The following DLGAP1 variants were observed in gnomAD, a reference collection of about 807,000 sequenced individuals.
The protein encoded by DLGAP1 is DLG associated protein 1.
A neutral mutation model predicts 90.8 loss-of-function variants in DLGAP1; 11 were observed. The observed-to-expected ratio is 0.12, with a 90% CI of 0.08 to 0.20. The LOEUF (loss-of-function observed/expected upper bound fraction) is 0.20. Ranked by LOEUF, DLGAP1 falls within the 10% of genes least tolerant of loss-of-function variation. DLGAP1 has a pLI of 1.00. For synonymous variants in DLGAP1, 558 were observed against 540.7 expected, an observed-to-expected ratio of 1.03 and a Z score of -0.44; for missense variants, 1,050 against 1,333.8, an observed-to-expected ratio of 0.79 and a Z score of 3.31.
At chr18:3,710,678 A>C (rs1421200472) in intron 7 of DLGAP1, among the ~76,000 whole-genome samples, 1 of 152,254 alleles carries the variant, frequency 6.6e-6, no homozygotes, top group Non-Finnish European at 1.5e-5. Flanking sequence ...ACAAATACAC[A>C]AGTGAATATT....
chr18:3,767,000 A>AAT (rs1399616696), intron 5 of DLGAP1, among the ~76,000 whole-genome samples: 1 of 152,126 alleles, frequency 6.6e-6, no homozygotes, highest in Non-Finnish European at 1.5e-5. Context: ...TGAAAAGGTC[A>AAT]ATAAAATGGA....
chr18:3,625,364 G>A (rs1463531027), intron 7 of DLGAP1, among the ~76,000 whole-genome samples: 1 of 152,214 alleles, frequency 6.6e-6, no homozygotes, highest in Non-Finnish European at 1.5e-5. Context: ...TGGAGGGAAG[G>A]AGAGACCTCC....
chr18:4,062,238 GTT>G (rs2075309471), intron 2 of DLGAP1, among the ~76,000 whole-genome samples: 1 of 152,076 alleles, frequency 6.6e-6, no homozygotes, highest in African/African-American at 2.4e-5. Flanking sequence ...GTAAGAATCT[GTT>G]TTCTTTCACA....
intron 7 of DLGAP1, among the ~76,000 whole-genome samples, chr18:3,583,582 A>C (rs1349362733): frequency 6.6e-6 from 1 of 152,204 alleles, no homozygotes; most frequent in African/African-American, 2.4e-5. Flanking sequence ...CTTATAAATC[A>C]GTCTTCGTGG....
intron 7 of DLGAP1, among the ~76,000 whole-genome samples, chr18:3,678,400 T>C (rs189355660): frequency 1.2e-3 from 176 of 152,160 alleles, no homozygotes; most frequent in African/African-American, 3.9e-3. Flanking sequence ...TCAAATCACA[T>C]CTCCTTCACG....
At position 3,885,639 on chromosome 18, in the gene DLGAP1, T is replaced by C. The variant is rs770295882; in HGVS notation, c.-72-5499A>G. On this transcript the variant is annotated intron_variant, in intron 3 of 12. Coordinates refer to ENST00000315677, the MANE Select transcript of DLGAP1 (RefSeq NM_004746.4). ...GGGGACTGTGGTCAGCATGTCTTCA[T>C]GAGGGTTTCTGTGACTACCAGTGAT... is the stretch of plus-strand genomic sequence containing the variant. Among the ~76,000 whole-genome samples, 90 of 152,370 alleles carry C rather than the reference T, an allele frequency of 5.9e-4. 1 individual carries two copies. Among genetic ancestry groups the C allele is most frequent in the Non-Finnish European group, 6.9e-4 (47 of 68,030 alleles).
At chr18:3,841,293 G>C (rs2068702303) in intron 4 of DLGAP1, among the ~76,000 whole-genome samples, 1 of 152,172 alleles carries the variant, frequency 6.6e-6, no homozygotes, top group Non-Finnish European at 1.5e-5. Flanking sequence ...TCTCTGTAGA[G>C]AAAGTGAGAA....
chr18:4,111,640 T>C (rs2075974272), intron 2 of DLGAP1, among the ~76,000 whole-genome samples: 1 of 152,160 alleles, frequency 6.6e-6, no homozygotes, highest in Admixed American at 6.5e-5. Flanking sequence ...CTCTTATAGG[T>C]CGATTTAGAT....
chr18:4,427,575 T>A (rs1171864888), intron 1 of DLGAP1, among the ~76,000 whole-genome samples: 2 of 152,156 alleles, frequency 1.3e-5, no homozygotes, highest in East Asian at 1.9e-4. Context: ...ATTGAGTCCC[T>A]TGCTGCCATC....
chr18:4,181,793 C>T (rs8099143), intron 1 of DLGAP1, among the ~76,000 whole-genome samples: 6,206 of 151,820 alleles, frequency 0.041, 386 homozygotes, highest in African/African-American at 0.13. Flanking sequence ...CTACAGCTTT[C>T]GGTAGATAAT....
At chr18:4,385,221 A>G (rs1245448561) in intron 1 of DLGAP1, among the ~76,000 whole-genome samples, 2 of 152,116 alleles carry the variant, frequency 1.3e-5, no homozygotes, top group Non-Finnish European at 2.9e-5. Flanking sequence ...TCTCATTTTC[A>G]TATACATACT....
chr18:3,821,123 A>G (rs2067383250), intron 4 of DLGAP1, among the ~76,000 whole-genome samples: 2 of 151,972 alleles, frequency 1.3e-5, no homozygotes, highest in South Asian at 4.2e-4. Flanking sequence ...CATCTCTACA[A>G]AATAATTTTT....
At chr18:3,835,510 G>A (rs917505116) in intron 4 of DLGAP1, among the ~76,000 whole-genome samples, 2 of 151,950 alleles carry the variant, frequency 1.3e-5, no homozygotes, top group Non-Finnish European at 1.5e-5. Context: ...TTAGCTGGGC[G>A]TGGTGGCGCG....
chr18:3,864,111 C>A (rs1014077210), intron 4 of DLGAP1, among the ~76,000 whole-genome samples: 1 of 152,128 alleles, frequency 6.6e-6, no homozygotes, highest in African/African-American at 2.4e-5. Context: ...CTAAAGAAAT[C>A]TTGGTTGAAT....
intron 1 of DLGAP1, among the ~76,000 whole-genome samples, chr18:4,230,685 A>G (rs942959699): frequency 1.3e-5 from 2 of 149,948 alleles, no homozygotes; most frequent in African/African-American, 4.9e-5. Context: ...ATAAATAGAA[A>G]GAATGACTAA....
chr18:4,027,503 C>CAAAAAAAAAAAAAAAAAAAAAAAAAA (rs59592467), intron 2 of DLGAP1, among the ~76,000 whole-genome samples: 3 of 55,580 alleles, frequency 5.4e-5, no homozygotes, highest in Non-Finnish European at 9.3e-5. Context: ...GACTCCGTCT[C>CAAAAAAAAAAAAAAAAAAAAAAAAAA]AAAAAAAAAA....
At chr18:3,538,197 G>A (rs1267452101) in intron 9 of DLGAP1, among the ~76,000 whole-genome samples, 1 of 152,036 alleles carries the variant, frequency 6.6e-6, no homozygotes, top group Non-Finnish European at 1.5e-5. Context: ...AGTGGCTAAG[G>A]TATTGATCTG....
intron 5 of DLGAP1, among the ~76,000 whole-genome samples, chr18:3,765,650 A>G (rs2064208397): frequency 6.6e-6 from 1 of 151,898 alleles, no homozygotes; most frequent in South Asian, 2.1e-4. Context: ...CCTGGCCAAC[A>G]TGGTGAACCC....
chr18:4,032,135 G>C (rs2074805791), intron 2 of DLGAP1, among the ~76,000 whole-genome samples: 1 of 152,178 alleles, frequency 6.6e-6, no homozygotes, highest in Admixed American at 6.5e-5. Flanking sequence ...AGGAAAACTT[G>C]ATTTAAATGG....
Sources: gnomAD v4.1 joint callset for allele counts (sites outside exome capture counted in the v4.1 genomes callset) on GRCh38, gnomAD v4.1.1 for gene constraint, MANE v1.5 for transcripts, NCBI Gene and HGNC (gene_info 2026-07-23, HGNC 2026-07-21) for gene names.